SEC61A2: variants seen among roughly 807,000 people sequenced by gnomAD.
SEC61A2 encodes the protein SEC61 translocon subunit alpha 2.
In SEC61A2, 28 loss-of-function variants were observed where a neutral mutation model predicts 59.9. The observed-to-expected ratio is 0.47, with a 90% confidence interval of 0.35 to 0.64. SEC61A2 has a LOEUF of 0.64. Among genes scored for constraint, SEC61A2 ranks in the 30% least tolerant of loss-of-function variants. The probability of loss-of-function intolerance (pLI) is 0.01; values close to 1 mark genes in which losing one functional copy is unlikely to be tolerated. For synonymous variants in SEC61A2, 202 were observed against 214.4 expected (o/e 0.94, Z 0.50); for missense variants, 340 against 585.9 (o/e 0.58, Z 4.33).
At chr10:12,169,361 A>C, downstream of SEC61A2, 2 of 1,434,598 alleles carry the variant, frequency 1.4e-6, no homozygotes, top group Non-Finnish European at 9.5e-7. This position sits in a 1 kb window ranked among gnomAD's most constrained non-coding sequence, Gnocchi z 4.8. Context: ...ACACTTGCCT[A>C]CGTCACCCTG....
At chr10:12,138,996 C>T (rs530523703) in intron 3 of SEC61A2, among the ~76,000 whole-genome samples, 1 of 152,194 alleles carries the variant, frequency 6.6e-6, no homozygotes, top group East Asian at 1.9e-4. Context: ...TAGTCTCGCT[C>T]TGTTGCCCAG....
Position 12,142,468 on chromosome 10 carries a change from T to C in SEC61A2, c.142-649T>C. 1.1e-6 allele frequency: 1 copy of C among 937,212 alleles called. No homozygotes were observed. Among genetic ancestry groups the C allele is most frequent in the Non-Finnish European group, 1.3e-6 (1 of 786,008 alleles). The allele number at this position is 937,212 out of a possible 1,614,324, so 58.1% of individuals were successfully genotyped here. A position where few individuals can be genotyped will look rare whatever the true frequency, so the allele number is the denominator to read the frequency against. ...CATAATTTTTAGTGGCCATGTAATA[T>C]TCCATTGTGGATATCATCTTCAGTC... On this transcript the variant is annotated intron_variant, in intron 3 of 11. Coordinates refer to ENST00000298428, the MANE Select transcript of SEC61A2 (RefSeq NM_018144.4). This position sits in a 1 kb window ranked among gnomAD's most constrained non-coding sequence, Gnocchi z 5.4.
downstream of SEC61A2, chr10:12,169,248 CT>C: frequency 6.5e-7 from 1 of 1,539,752 alleles, no homozygotes; most frequent in Non-Finnish European, 8.8e-7. This position sits in a 1 kb window ranked among gnomAD's most constrained non-coding sequence, Gnocchi z 4.8. Flanking sequence ...TTTTTTCTCC[CT>C]TTTCTAAGAC....
rs1322398343 is a variant in SEC61A2 at position 12,164,264 on chromosome 10, C to T, written c.1245-4C>T. ...GCCGCCTAACTTGGGGTTCTGTCTC[C>T]TAGGTACATCCCCACCGCAGCTGCG... is the stretch of plus-strand genomic sequence containing the variant. On this transcript the variant is annotated splice_polypyrimidine_tract_variant and splice_region_variant and intron_variant, in intron 11 of 11. Transcript: ENST00000298428. The surrounding 1 kb of genome is among the most constrained non-coding windows in gnomAD (Gnocchi z 7.3). 6.2e-7 allele frequency: 1 copy of T among 1,612,576 alleles called. No homozygotes were observed. Among genetic ancestry groups the T allele is most frequent in the South Asian group, 1.1e-5 (1 of 90,990 alleles).
rs2895501 is a variant in SEC61A2, at chr10:12,153,882, G to A, written c.463-1896G>A. On this transcript the variant is annotated intron_variant, in intron 6 of 11. Coordinates refer to ENST00000298428, the MANE Select transcript of SEC61A2 (RefSeq NM_018144.4). This position sits in a 1 kb window ranked among gnomAD's most constrained non-coding sequence, Gnocchi z 5.2. ...CCTTATTTGTTTATGTTTCATTCACGTGGTTAGTGTTTTTCAGCTAGTGAG... is the reference window on the plus strand; with the variant it reads ...CCTTATTTGTTTATGTTTCATTCACATGGTTAGTGTTTTTCAGCTAGTGAG... 0.42 allele frequency: 578,671 copies of A among 1,379,082 alleles called. 122,718 individuals carry two copies. The highest frequency in any genetic ancestry group is 0.52 in the East Asian group (20,337 of 39,310). The allele number at this position is 1,379,082 out of a possible 1,614,324, so 85.4% of individuals were successfully genotyped here. A position where few individuals can be genotyped will look rare whatever the true frequency, so the allele number is the denominator to read the frequency against.
Position 12,131,682 on chromosome 10 carries a change from C to CTTTTTTT in SEC61A2, c.8-1537_8-1531dup, listed in dbSNP as rs1199525836. ...ATGAAATCAAACAGAGATTACATAC[C>CTTTTTTT]TTTTTTTTTTTTTTTTTTTTTTTTT... On this transcript the variant is annotated intron_variant, in intron 1 of 11. Transcript: ENST00000298428. Among the ~76,000 whole-genome samples, 178 of 46,560 alleles carry CTTTTTTT rather than the reference C, an allele frequency of 3.8e-3. 35 individuals carry two copies. The highest frequency in any genetic ancestry group is 6.5e-3 in the Non-Finnish European group (161 of 24,592). 30.5% of individuals were successfully genotyped at this position (46,560 alleles called of 152,430 possible).
At chr10:12,151,015 T>TCTG (rs1834259284) in intron 6 of SEC61A2, among the ~76,000 whole-genome samples, 1 of 151,562 alleles carries the variant, frequency 6.6e-6, no homozygotes, top group Non-Finnish European at 1.5e-5. Context: ...GACCTCGTGA[T>TCTG]TCGCCCGCCT....
chr10:12,150,001 G>T, intron 6 of SEC61A2, 40 bp downstream of exon 6: 1 of 1,347,180 alleles, frequency 7.4e-7, no homozygotes, highest in Non-Finnish European at 1.1e-6. Flanking sequence ...TAACAAAACA[G>T]TTTGATTCCT....
chr10:12,165,347 AC>A lies in SEC61A2; in HGVS notation c.*894del, dbSNP rs1834643800. The stretch of plus-strand genomic sequence containing the variant: ...CATGAGTGTAAACAGTAGACAATAA[AC>A]TTTTATTTAAGAAAACTGATTCAGT... On this transcript the variant is annotated 3_prime_UTR_variant, in exon 12 of 12. Transcript: ENST00000298428. 1.0e-6 allele frequency: 1 copy of A among 981,424 alleles called. No individual in the cohort carries two copies. Among genetic ancestry groups the A allele is most frequent in the South Asian group, 4.7e-5 (1 of 21,198 alleles). The allele number at this position is 981,424 out of a possible 1,614,324, so 60.8% of individuals were successfully genotyped here. A position where few individuals can be genotyped will look rare whatever the true frequency, so the allele number is the denominator to read the frequency against.
intron 8 of SEC61A2, 74 bp downstream of exon 8, chr10:12,157,141 C>T: frequency 1.4e-6 from 2 of 1,409,614 alleles, no homozygotes; most frequent in Non-Finnish European, 2.0e-6. Context: ...TGCCATCTGA[C>T]ATGCTGTTGT....
rs944040954 is a variant in SEC61A2 at position 12,156,835 on chromosome 10, C to T, written c.617-72C>T. 1.3e-5 allele frequency: 19 copies of T among 1,504,730 alleles called. No homozygotes were observed. The highest frequency in any genetic ancestry group is 4.9e-5 in the South Asian group (4 of 82,402). 93.2% of individuals were successfully genotyped at this position (1,504,730 alleles called of 1,614,324 possible). On this transcript the variant is annotated intron_variant, in intron 7 of 11. Coordinates refer to ENST00000298428, the MANE Select transcript of SEC61A2 (RefSeq NM_018144.4). This position sits in a 1 kb window ranked among gnomAD's most constrained non-coding sequence, Gnocchi z 5.2. Reference sequence around the variant, plus strand: ...TTTTCTGCTGTATACTGGACTTTCACGGTTAGTTGTTTGAGCTTTGGGACA... The same window carrying T: ...TTTTCTGCTGTATACTGGACTTTCATGGTTAGTTGTTTGAGCTTTGGGACA...
At position 12,145,682 on chromosome 10, in the gene SEC61A2, A is replaced by G. The variant is rs1834122918; in HGVS notation, c.220+2487A>G. 6.6e-6 allele frequency among the ~76,000 whole-genome samples: 1 copy of G among 152,216 alleles called. No individual in the cohort carries two copies. Among genetic ancestry groups the G allele is most frequent in the South Asian group, 2.1e-4 (1 of 4,834 alleles). ...AACTAGATGCTTTCGTAGTCCGTAG[A>G]TGTGATGATTGGATCTTCACGCTCG... On this transcript the variant is annotated intron_variant, in intron 4 of 11. Coordinates refer to ENST00000298428, the MANE Select transcript of SEC61A2 (RefSeq NM_018144.4). The surrounding 1 kb of genome is among the most constrained non-coding windows in gnomAD (Gnocchi z 4.4).
chr10:12,148,063 C>T lies in SEC61A2; in HGVS notation c.221-1532C>T, dbSNP rs182099178. Among the ~76,000 whole-genome samples the T allele has an allele frequency of 2.2e-3, 338 of 151,688 alleles. 2 individuals carry two copies. The highest frequency in any genetic ancestry group is 3.9e-3 in the Admixed American group (59 of 15,212). ...TCAAGTGAGTCTTCTGCCTCAGCTT[C>T]CCGAGTAGCTGGGACTACAGGCGCC... On this transcript the variant is annotated intron_variant, in intron 4 of 11. Coordinates refer to ENST00000298428, the MANE Select transcript of SEC61A2 (RefSeq NM_018144.4).
rs1041123585 is a variant in SEC61A2, at chr10:12,162,811, C to A, written c.1244+522C>A. ...CTAGCCCACCTTCCCAACCACCAGC[C>A]CCAGACAGCCACTTTTAACTTTGTC... On this transcript the variant is annotated intron_variant, in intron 11 of 11. Coordinates refer to ENST00000298428, the MANE Select transcript of SEC61A2 (RefSeq NM_018144.4). The surrounding 1 kb of genome is among the most constrained non-coding windows in gnomAD (Gnocchi z 6.1). Among the ~76,000 whole-genome samples, 1 of 152,078 alleles carries A rather than the reference C, an allele frequency of 6.6e-6. No individual in the cohort carries two copies. Among genetic ancestry groups the A allele is most frequent in the East Asian group, 1.9e-4 (1 of 5,194 alleles).
At chr10:12,148,030 T>C (rs894333327) in intron 4 of SEC61A2, among the ~76,000 whole-genome samples, 5 of 151,270 alleles carry the variant, frequency 3.3e-5, no homozygotes, top group Non-Finnish European at 7.4e-5. Context: ...AACCTCTGCC[T>C]CCCAGGTTCA....
In SEC61A2 at chr10:12,129,928, G is replaced by A. The variant is rs1025550295; in HGVS notation, c.7+134G>A. The A allele has an allele frequency of 1.3e-5, 11 of 821,884 alleles. No homozygotes were observed. The Middle Eastern group carries it at 2.5e-3, about 188-fold the overall frequency. The allele number at this position is 821,884 out of a possible 1,614,324, so 50.9% of individuals were successfully genotyped here. A position where few individuals can be genotyped will look rare whatever the true frequency, so the allele number is the denominator to read the frequency against. On this transcript the variant is annotated intron_variant, in intron 1 of 11. Transcript: ENST00000298428. This position sits in a 1 kb window ranked among gnomAD's most constrained non-coding sequence, Gnocchi z 5.6. The stretch of plus-strand genomic sequence containing the variant: ...CGGGCCGCTCCGGGCCTCAGCGGAG[G>A]GCACGGGCCGGGGGCCTCCGCCGAG...
intron 4 of SEC61A2, among the ~76,000 whole-genome samples, chr10:12,146,777 C>G (rs1473415408): frequency 6.6e-6 from 1 of 152,200 alleles, no homozygotes; most frequent in Admixed American, 6.5e-5. Context: ...CTCAGCCTCC[C>G]AAAGTGCTGG....
chr10:12,143,329 A>T lies in SEC61A2; in HGVS notation c.220+134A>T. 1.4e-6 allele frequency: 1 copy of T among 710,574 alleles called. No homozygotes were observed. The highest frequency in any genetic ancestry group is 2.5e-6 in the Non-Finnish European group (1 of 392,822). 44.0% of individuals were successfully genotyped at this position (710,574 alleles called of 1,614,324 possible). On this transcript the variant is annotated intron_variant, in intron 4 of 11. Coordinates refer to ENST00000298428, the MANE Select transcript of SEC61A2 (RefSeq NM_018144.4). This position sits in a 1 kb window ranked among gnomAD's most constrained non-coding sequence, Gnocchi z 4.8. ...CCTAGAAAAGCCTAGTATGTAGATA[A>T]TGACAACACCGTGTGATTAATGTAA... is the stretch of plus-strand genomic sequence containing the variant.
chr10:12,149,771 G>A lies in SEC61A2; in HGVS notation c.352+45G>A. On this transcript the variant is annotated intron_variant, in intron 5 of 11. Transcript: ENST00000298428. The surrounding 1 kb of genome is among the most constrained non-coding windows in gnomAD (Gnocchi z 5.2). ...AAGAGCATTCTCCAAATTTGAGAGTGCTCGTGGTAAAGATGTTTTCTCTAG... is the reference window on the plus strand; with the variant it reads ...AAGAGCATTCTCCAAATTTGAGAGTACTCGTGGTAAAGATGTTTTCTCTAG... 1 of 1,606,620 alleles carries A rather than the reference G, an allele frequency of 6.2e-7. No individual in the cohort carries two copies. Among genetic ancestry groups the A allele is most frequent in the Non-Finnish European group, 8.5e-7 (1 of 1,175,974 alleles).
Sources: allele counts gnomAD v4.1 joint callset (sites outside exome capture counted in the v4.1 genomes callset), GRCh38; gene constraint gnomAD v4.1.1; non-coding constraint Gnocchi (gnomAD v3.1); transcripts MANE v1.5; gene names NCBI Gene and HGNC (gene_info 2026-07-23, HGNC 2026-07-21).